The following PSTPIP2 variants were observed in gnomAD, a reference collection of about 807,000 sequenced individuals.
The protein encoded by PSTPIP2 is proline-serine-threonine phosphatase-interacting protein 2.
A neutral mutation model predicts 63.3 loss-of-function variants in PSTPIP2; 33 were observed. That is an observed-to-expected ratio of 0.52 (90% CI 0.40 to 0.70). The LOEUF is 0.70. PSTPIP2 is among the 30% of genes least tolerant of loss of function. The pLI, the probability that PSTPIP2 is intolerant of heterozygous loss-of-function variation, is 0.00. For synonymous variants in PSTPIP2, 125 were observed against 132.7 expected (o/e 0.94, Z 0.40); for missense variants, 312 against 400.7 (o/e 0.78, Z 1.89).
At position 46,016,340 on chromosome 18, in the gene PSTPIP2, C is replaced by T. The variant is rs112743078; in HGVS notation, c.213-403G>A. 1.3e-3 allele frequency: 216 copies of T among 171,146 alleles called. 1 individual carries two copies. The highest frequency in any genetic ancestry group is 4.4e-3 in the African/African-American group (187 of 42,200). The allele number at this position is 171,146 out of a possible 1,614,324, so 10.6% of individuals were successfully genotyped here. A position where few individuals can be genotyped will look rare whatever the true frequency, so the allele number is the denominator to read the frequency against. ...GATTGCACCACTGCACTCCAGCCTG[C>T]GCAACAGAGCAAAACTCCATCTCAA... On this transcript the variant is annotated intron_variant, in intron 3 of 14. Transcript: ENST00000409746.
chr18:45,990,734 T>C lies in PSTPIP2; in HGVS notation c.943A>G (p.Lys315Glu), dbSNP rs1210791596. The C allele has an allele frequency of 4.4e-6, 7 of 1,606,590 alleles. No individual in the cohort carries two copies. In the South Asian group the frequency reaches 6.6e-5, roughly 15 times the overall value. ...TTTAGTGGCATACCTGGTGAGCTTTTAGGAATTGGGAGGGGTCCTCTCCTG... is the reference window on the plus strand; with the variant it reads ...TTTAGTGGCATACCTGGTGAGCTTTCAGGAATTGGGAGGGGTCCTCTCCTG... ...LARRGPLPIP[K>E]SSPDDPNYSL... The change falls in exon 13 of 15, where the codon AAA becomes GAA. Residue 315 changes from lysine (K) to glutamate (E), a missense_variant. Coordinates refer to ENST00000409746, the MANE Select transcript of PSTPIP2 (RefSeq NM_024430.4).
At chr18:46,043,612 G>A (rs1366830271) in intron 1 of PSTPIP2, among the ~76,000 whole-genome samples, 1 of 152,158 alleles carries the variant, frequency 6.6e-6, no homozygotes, top group Admixed American at 6.5e-5. Context: ...AACGATGTCT[G>A]CTCTCACTAC....
intron 2 of PSTPIP2, among the ~76,000 whole-genome samples, chr18:46,032,007 T>C (rs534161323): frequency 6.6e-6 from 1 of 152,186 alleles, no homozygotes; most frequent in East Asian, 1.9e-4. Flanking sequence ...TGGGAAGCAA[T>C]GGGTCCAGGC....
At chr18:46,057,792 T>G (rs985631734) in intron 1 of PSTPIP2, among the ~76,000 whole-genome samples, 5 of 151,730 alleles carry the variant, frequency 3.3e-5, no homozygotes, top group Admixed American at 2.6e-4. Context: ...GGTCAGGAGA[T>G]CAAGACCATC....
intron 1 of PSTPIP2, among the ~76,000 whole-genome samples, chr18:46,048,174 T>C (rs181348931): frequency 6.4e-4 from 98 of 152,234 alleles, no homozygotes; most frequent in African/African-American, 2.2e-3. Flanking sequence ...ATAGGAGATG[T>C]CAATGACAAA....
chr18:46,053,434 A>G (rs1261131441), intron 1 of PSTPIP2, among the ~76,000 whole-genome samples: 1 of 152,210 alleles, frequency 6.6e-6, no homozygotes, highest in Non-Finnish European at 1.5e-5. Context: ...TGTTTCTTTC[A>G]GTACATGTTC....
chr18:46,025,748 T>C lies in PSTPIP2; in HGVS notation c.135-1062A>G, dbSNP rs185438320. ...AAACCTAAATGAACATCTGAACATC[T>C]GTGGACATATATCCACGGGCATCTC... On this transcript the variant is annotated intron_variant, in intron 2 of 14. Transcript: ENST00000409746. 5.9e-5 allele frequency among the ~76,000 whole-genome samples: 9 copies of C among 152,018 alleles called. No individual in the cohort carries two copies. The East Asian group carries it at 1.5e-3, about 26-fold the overall frequency.
Position 46,065,295 on chromosome 18 carries a change from A to T in PSTPIP2, c.33+6861T>A, listed in dbSNP as rs28591562. Among the ~76,000 whole-genome samples the T allele has an allele frequency of 9.7e-3, 1,370 of 140,744 alleles. 29 individuals are homozygous for T. Among genetic ancestry groups the T allele is most frequent in the African/African-American group, 0.037 (1,306 of 35,294 alleles). 92.3% of individuals were successfully genotyped at this position (140,744 alleles called of 152,430 possible). ...ATAGCAATATATAAAATAAGTTATAATTTTTTTTTTTTTTGAGATGTAGTC... is the reference window on the plus strand; with the variant it reads ...ATAGCAATATATAAAATAAGTTATATTTTTTTTTTTTTTTGAGATGTAGTC... On this transcript the variant is annotated intron_variant, in intron 1 of 14. Coordinates refer to ENST00000409746, the MANE Select transcript of PSTPIP2 (RefSeq NM_024430.4).
chr18:46,009,624 T>G (rs563909598), intron 5 of PSTPIP2, among the ~76,000 whole-genome samples: 1 of 152,240 alleles, frequency 6.6e-6, no homozygotes, highest in African/African-American at 2.4e-5. Flanking sequence ...AATAATTTGG[T>G]CTGTGTAGCT....
chr18:46,059,594 T>G (rs368153090), intron 1 of PSTPIP2, among the ~76,000 whole-genome samples: 1 of 152,148 alleles, frequency 6.6e-6, no homozygotes, highest in African/African-American at 2.4e-5. Flanking sequence ...TGTTGAAAAT[T>G]TTTAAGTATA....
intron 1 of PSTPIP2, among the ~76,000 whole-genome samples, chr18:46,054,724 G>A (rs890633108): frequency 4.7e-5 from 7 of 149,298 alleles, no homozygotes; most frequent in African/African-American, 9.9e-5. Flanking sequence ...GCAGTGGCGC[G>A]ATCTTGGCTC....
chr18:45,993,583 T>C, intron 10 of PSTPIP2, 22 bp downstream of exon 10: 2 of 1,590,570 alleles, frequency 1.3e-6, no homozygotes, highest in Non-Finnish European at 1.7e-6. Context: ...ACGACAATCC[T>C]CAGTGGATGC....
intron 2 of PSTPIP2, among the ~76,000 whole-genome samples, chr18:46,035,407 G>C (rs1305530851): frequency 1.7e-5 from 2 of 118,128 alleles, no homozygotes; most frequent in Non-Finnish European, 3.6e-5. Context: ...ATGACAGAGT[G>C]AGACTCTGTC....
At position 46,044,228 on chromosome 18, in the gene PSTPIP2, C is replaced by A. The variant is rs9964286; in HGVS notation, c.34-4181G>T. Among the ~76,000 whole-genome samples the A allele has an allele frequency of 1.8e-3, 268 of 152,318 alleles. 1 individual carries two copies. Among genetic ancestry groups the A allele is most frequent in the African/African-American group, 6.1e-3 (255 of 41,560 alleles). ...TCAATCCTAAGCCAAAAGAACAAAGCTGGAGGCATCACGCTACCTGACTTC... is the reference window on the plus strand; with the variant it reads ...TCAATCCTAAGCCAAAAGAACAAAGATGGAGGCATCACGCTACCTGACTTC... On this transcript the variant is annotated intron_variant, in intron 1 of 14. Transcript: ENST00000409746.
chr18:45,993,297 G>A (rs1476561077), intron 10 of PSTPIP2, among the ~76,000 whole-genome samples: 1 of 152,110 alleles, frequency 6.6e-6, no homozygotes, highest in Non-Finnish European at 1.5e-5. Context: ...GTTTCACCAT[G>A]TTGGCCAGGC....
chr18:46,048,817 G>C (rs894867749), intron 1 of PSTPIP2, among the ~76,000 whole-genome samples: 2 of 152,072 alleles, frequency 1.3e-5, no homozygotes, highest in African/African-American at 2.4e-5. Context: ...GCAACAACTG[G>C]GGAAATTTGA....
intron 2 of PSTPIP2, chr18:46,028,664 T>C: frequency 1.2e-6 from 1 of 847,662 alleles, no homozygotes; most frequent in South Asian, 1.3e-5. Flanking sequence ...AGGAAATGGT[T>C]GACATGATGA....
At chr18:46,057,380 T>G (rs1908797093) in intron 1 of PSTPIP2, among the ~76,000 whole-genome samples, 1 of 151,364 alleles carries the variant, frequency 6.6e-6, no homozygotes, top group Non-Finnish European at 1.5e-5. Context: ...CAGGCTGGAG[T>G]ACAATGGCGC....
Position 46,011,267 on chromosome 18 carries a change from A to C in PSTPIP2, c.268T>G (p.Cys90Gly), listed in dbSNP as rs372546680. ...AAACTCTGTGCAAGCTGAATGTGACATTGTGCCACATTGTCTACTTCTGCA... is the reference window on the plus strand; with the variant it reads ...AAACTCTGTGCAAGCTGAATGTGACCTTGTGCCACATTGTCTACTTCTGCA... ...FKQQVDNVAQ[C>G]HIQLAQSLRE... The change falls in exon 5 of 15, where the codon TGT becomes GGT. Residue 90 changes from cysteine to glycine, a missense_variant. By Grantham distance (159) the Cys-to-Gly change is radical. Transcript: ENST00000409746. The C allele has an allele frequency of 2.5e-6, 4 of 1,613,780 alleles. No individual in the cohort carries two copies. In the Admixed American group the frequency reaches 5.0e-5, roughly 20 times the overall value.
Sources: gnomAD v4.1 joint callset for allele counts (sites outside exome capture counted in the v4.1 genomes callset) on GRCh38, gnomAD v4.1.1 for gene constraint, MANE v1.5 for transcripts, NCBI Gene and HGNC (gene_info 2026-07-23, HGNC 2026-07-21) for gene names.